DIAPH2: variants seen among roughly 807,000 people sequenced by gnomAD.
DIAPH2 encodes diaphanous related formin 2.
DIAPH2 carries 35 observed loss-of-function variants against 92.7 expected under a neutral mutation model. That is an observed-to-expected ratio of 0.38 (90% CI 0.29 to 0.50). DIAPH2 has a LOEUF of 0.50. DIAPH2 is among the 20% of genes least tolerant of loss of function. DIAPH2 has a pLI of 0.94. For missense variants in DIAPH2, 701 were observed against 819.5 expected (o/e 0.86, Z 1.77); for synonymous variants, 301 against 280.4 (o/e 1.07, Z -0.73).
chrX:96,765,342 T>C (rs2147607344), intron 4 of DIAPH2, among the ~76,000 whole-genome samples: 1 of 108,646 alleles, frequency 9.2e-6, no homozygotes, highest in African/African-American at 3.4e-5. Context: ...GGACTACAGG[T>C]GTGCACCACC....
chrX:97,290,935 T>A (rs778414713), intron 23 of DIAPH2, among the ~76,000 whole-genome samples: 16 of 101,923 alleles, frequency 1.6e-4, no homozygotes, highest in African/African-American at 5.9e-4. Flanking sequence ...AAGAAAAAAA[T>A]TAGCCAGGAG....
chrX:96,766,652 C>CT (rs2064305890), intron 4 of DIAPH2, among the ~76,000 whole-genome samples: 1 of 111,941 alleles, frequency 8.9e-6, no homozygotes, highest in African/African-American at 3.2e-5. Context: ...AGAATAATCA[C>CT]TTTAAGTATT....
At chrX:97,340,296 T>A (rs1602520382) in intron 23 of DIAPH2, among the ~76,000 whole-genome samples, 1 of 111,231 alleles carries the variant, frequency 9.0e-6, no homozygotes, top group East Asian at 2.9e-4. Context: ...AATATGGCCA[T>A]AGGCTTCTCC....
chrX:97,064,780 T>A (rs781027687), intron 17 of DIAPH2, among the ~76,000 whole-genome samples: 37 of 109,586 alleles, frequency 3.4e-4, no homozygotes, highest in Non-Finnish European at 6.7e-4. Flanking sequence ...ATGCTCAGCA[T>A]CTCCACGGAA....
At chrX:96,912,575 C>T (rs763745878) in intron 7 of DIAPH2, 23 bp downstream of exon 7, 1 of 1,147,625 alleles carries the variant, frequency 8.7e-7, no homozygotes, top group African/African-American at 1.8e-5. Flanking sequence ...TATTTCTGCC[C>T]CTGTCACAAA....
chrX:97,069,405 AC>A (rs1221960291), intron 17 of DIAPH2, among the ~76,000 whole-genome samples: 1 of 111,618 alleles, frequency 9.0e-6, no homozygotes, highest in Non-Finnish European at 1.9e-5. Context: ...TGAGTGGTAT[AC>A]ATGTATTCAT....
chrX:97,493,541 G>A (rs1022981972), intron 26 of DIAPH2, among the ~76,000 whole-genome samples: 17 of 111,180 alleles, frequency 1.5e-4, no homozygotes, highest in African/African-American at 5.2e-4. Context: ...GATTACAGGC[G>A]TGAGCCACCG....
intron 20 of DIAPH2, among the ~76,000 whole-genome samples, chrX:97,108,597 G>C (rs770940735): frequency 1.3e-3 from 149 of 111,345 alleles, no homozygotes; most frequent in African/African-American, 4.6e-3. Context: ...TGGTCTGATC[G>C]TAAAAATTCA....
At chrX:97,103,618 A>G (rs1055027309) in intron 20 of DIAPH2, among the ~76,000 whole-genome samples, 3 of 111,605 alleles carry the variant, frequency 2.7e-5, no homozygotes, top group African/African-American at 9.8e-5. Context: ...TACAATATAC[A>G]TTTATCTTGT....
intron 17 of DIAPH2, among the ~76,000 whole-genome samples, chrX:97,071,239 T>C (rs1602320553): frequency 1.8e-5 from 2 of 111,932 alleles, no homozygotes; most frequent in Non-Finnish European, 1.9e-5. Flanking sequence ...TTAGAATAAA[T>C]TAAAATGTTG....
chrX:96,933,596 TA>T (rs1415317140), intron 10 of DIAPH2, among the ~76,000 whole-genome samples: 11 of 104,006 alleles, frequency 1.1e-4, no homozygotes, highest in South Asian at 4.2e-4. Context: ...TATATGTTTA[TA>T]TTTTTTTTAT....
chrX:97,212,018 T>A (rs1259148470), intron 22 of DIAPH2, among the ~76,000 whole-genome samples: 1 of 111,746 alleles, frequency 8.9e-6, no homozygotes, highest in Non-Finnish European at 1.9e-5. Flanking sequence ...CCTACCTCCA[T>A]GTCTGATAAC....
intron 17 of DIAPH2, among the ~76,000 whole-genome samples, chrX:97,056,908 G>T (rs1274925545): frequency 8.9e-6 from 1 of 112,064 alleles, no homozygotes; most frequent in African/African-American, 3.2e-5. Context: ...TTGAATCCCA[G>T]ATCTAATAGT....
intron 24 of DIAPH2, among the ~76,000 whole-genome samples, chrX:97,351,633 C>T (rs753425760): frequency 2.7e-5 from 3 of 110,218 alleles, no homozygotes; most frequent in Non-Finnish European, 5.7e-5. Flanking sequence ...GAAACCCCGT[C>T]TCTACTAAAA....
chrX:97,190,256 T>A (rs1047041139), intron 22 of DIAPH2, among the ~76,000 whole-genome samples: 1 of 112,313 alleles, frequency 8.9e-6, no homozygotes, highest in Non-Finnish European at 1.9e-5. Context: ...GGTTTTTAGT[T>A]ATAGTGGCAT....
chrX:97,347,694 A>AT (rs1346757574), intron 23 of DIAPH2, among the ~76,000 whole-genome samples: 1 of 111,424 alleles, frequency 9.0e-6, no homozygotes, highest in Non-Finnish European at 1.9e-5. Context: ...CAAAATTCAT[A>AT]TGTTGAAGTC....
chrX:97,489,962 C>G (rs2070714407), intron 26 of DIAPH2, among the ~76,000 whole-genome samples: 7 of 111,802 alleles, frequency 6.3e-5, no homozygotes, highest in Admixed American at 5.7e-4. Flanking sequence ...TCGAAGTCTA[C>G]TCTCTTAAAG....
chrX:97,181,690 G>A (rs946808165), intron 22 of DIAPH2, among the ~76,000 whole-genome samples: 82 of 112,549 alleles, frequency 7.3e-4, no homozygotes, highest in African/African-American at 2.6e-3. Context: ...GATTACAGGC[G>A]TGAGCCACCA....
intron 1 of DIAPH2, among the ~76,000 whole-genome samples, chrX:96,714,224 G>A (rs2063935860): frequency 9.5e-6 from 1 of 105,416 alleles, no homozygotes; most frequent in African/African-American, 3.5e-5. Flanking sequence ...CATGGCACAT[G>A]TATTGCTTCT....
Sources: gnomAD v4.1 joint callset for allele counts (sites outside exome capture counted in the v4.1 genomes callset) on GRCh38, gnomAD v4.1.1 for gene constraint, MANE v1.5 for transcripts, NCBI Gene and HGNC (gene_info 2026-07-23, HGNC 2026-07-21) for gene names.